The following RASGRF2 variants were observed in gnomAD, a reference collection of about 807,000 sequenced individuals.
The protein encoded by RASGRF2 is Ras protein specific guanine nucleotide releasing factor 2.
In RASGRF2, 76 loss-of-function variants were observed where a neutral mutation model predicts 151.0. The observed-to-expected ratio is 0.50, with a 90% CI of 0.42 to 0.61. The LOEUF (loss-of-function observed/expected upper bound fraction) is 0.61, where lower values mean the gene tolerates loss of function less well. Ranked by LOEUF, RASGRF2 falls within the 20% of genes least tolerant of loss-of-function variation. The pLI is 0.00. For missense variants in RASGRF2, 1,148 were observed against 1,564.6 expected, an observed-to-expected ratio of 0.73 and a Z score of 4.49; for synonymous variants, 504 against 566.5, an observed-to-expected ratio of 0.89 and a Z score of 1.57.
chr5:81,038,567 C>CT (rs56205345), intron 1 of RASGRF2, among the ~76,000 whole-genome samples: 2,598 of 83,874 alleles, frequency 0.031, 243 homozygotes, highest in African/African-American at 0.066. Flanking sequence ...TAAATATTTG[C>CT]TTTTTTTTTT....
chr5:81,120,746 T>G (rs1561217023), intron 15 of RASGRF2, among the ~76,000 whole-genome samples: 1 of 152,294 alleles, frequency 6.6e-6, no homozygotes, highest in African/African-American at 2.4e-5. Flanking sequence ...GGTTCCAAGC[T>G]CCTCTGCTGG....
At chr5:81,080,221 T>C (rs547869482) in intron 6 of RASGRF2, 21 bp downstream of exon 6, 5 of 1,584,270 alleles carry the variant, frequency 3.2e-6, no homozygotes, top group Admixed American at 2.0e-5. Context: ...TCTTTAAAGG[T>C]GTAAGATTTT....
chr5:81,069,032 G>T (rs1355003925), intron 3 of RASGRF2, among the ~76,000 whole-genome samples: 2 of 152,224 alleles, frequency 1.3e-5, no homozygotes, highest in Non-Finnish European at 2.9e-5. Flanking sequence ...AAACCTACTA[G>T]TAATTGTATC....
chr5:81,052,051 G>A lies in RASGRF2; in HGVS notation c.395+9068G>A, dbSNP rs552941365. On this transcript the variant is annotated intron_variant, in intron 2 of 26. Coordinates refer to ENST00000265080, the MANE Select transcript of RASGRF2 (RefSeq NM_006909.3). ...ATATAAACCCCTTTAATCTATTCTT[G>A]TTGAATTAATATAGTTGTATCTGTA... is the stretch of plus-strand genomic sequence containing the variant. Among the ~76,000 whole-genome samples the A allele has an allele frequency of 5.3e-5, 8 of 152,166 alleles. No individual in the cohort carries two copies. In the South Asian group the frequency reaches 1.7e-3, roughly 32 times the overall value.
intron 1 of RASGRF2, among the ~76,000 whole-genome samples, chr5:81,010,366 A>C (rs1408621214): frequency 1.3e-5 from 2 of 152,204 alleles, no homozygotes; most frequent in Non-Finnish European, 2.9e-5. Flanking sequence ...TGGTGGACAG[A>C]AGCCATGGTA....
At chr5:81,025,838 G>A (rs1750001868) in intron 1 of RASGRF2, among the ~76,000 whole-genome samples, 1 of 152,102 alleles carries the variant, frequency 6.6e-6, no homozygotes, top group African/African-American at 2.4e-5. Context: ...TGCTACCTCA[G>A]ATTAGTTAGA....
intron 26 of RASGRF2, among the ~76,000 whole-genome samples, chr5:81,220,725 C>T (rs1199349705): frequency 1.3e-5 from 2 of 152,208 alleles, no homozygotes; most frequent in African/African-American, 4.8e-5. Context: ...GCCTCTGCCT[C>T]CCAAAGTGCT....
chr5:81,149,304 A>G (rs1337735436), intron 17 of RASGRF2, among the ~76,000 whole-genome samples: 1 of 152,264 alleles, frequency 6.6e-6, no homozygotes, highest in Non-Finnish European at 1.5e-5. Context: ...TGCATAAAAC[A>G]GAAGACAAAA....
chr5:81,033,279 C>A (rs1162284028), intron 1 of RASGRF2, among the ~76,000 whole-genome samples: 60 of 146,280 alleles, frequency 4.1e-4, no homozygotes, highest in African/African-American at 1.5e-3. Flanking sequence ...ACTTTCTTCA[C>A]AGAATTGGAA....
At chr5:81,048,385 T>C (rs1166933718) in intron 2 of RASGRF2, among the ~76,000 whole-genome samples, 1 of 152,028 alleles carries the variant, frequency 6.6e-6, no homozygotes, top group Non-Finnish European at 1.5e-5. Flanking sequence ...GCCTACAGAG[T>C]GCAACATGAA....
At chr5:81,014,836 T>C (rs112263330) in intron 1 of RASGRF2, among the ~76,000 whole-genome samples, 321 of 152,326 alleles carry the variant, frequency 2.1e-3, no homozygotes, top group African/African-American at 7.5e-3. Flanking sequence ...TTAATGATGC[T>C]AAGAACATTC....
At chr5:81,063,162 A>T (rs1373058477) in intron 2 of RASGRF2, among the ~76,000 whole-genome samples, 1 of 152,180 alleles carries the variant, frequency 6.6e-6, no homozygotes, top group Non-Finnish European at 1.5e-5. Context: ...GTATCAGAGT[A>T]TGAAATGTTT....
Position 81,201,331 on chromosome 5 carries a change from A to T in RASGRF2, c.2795A>T (p.Asp932Val). The change falls in exon 19 of 27, where the codon GAT (aspartate) becomes GTT (valine). Residue 932 changes from aspartate (D) to valine (V), a missense_variant and splice_region_variant. Asp to Val is a radical substitution (Grantham distance 152). Around this residue, in one of 5 missense-constraint regions of RASGRF2, gnomAD observed 646 missense variants for 807.4 expected, o/e 0.80. Transcript: ENST00000265080. ...AAAAAGATTCATTTTATTTTACAGG[A>T]TTTCGAACTCAACAATGAACTAAAG... ...LRHWVSKHAQ[D>V]FELNNELKMN... is the part of the protein sequence containing the mutation. 1 of 1,610,470 alleles carries T rather than the reference A, an allele frequency of 6.2e-7. No homozygotes were observed.
rs553744293 is a variant in RASGRF2 at position 81,031,643 on chromosome 5, T to C, written c.289-11234T>C. On this transcript the variant is annotated intron_variant, in intron 1 of 26. Coordinates refer to ENST00000265080, the MANE Select transcript of RASGRF2 (RefSeq NM_006909.3). Reference sequence around the variant, plus strand: ...CATACCCAAATCTCTGGGACACATTTAAAGCAGTGTGTATAGGAAAATTTA... The same window carrying C: ...CATACCCAAATCTCTGGGACACATTCAAAGCAGTGTGTATAGGAAAATTTA... Among the ~76,000 whole-genome samples, 7 of 152,286 alleles carry C rather than the reference T, an allele frequency of 4.6e-5. No homozygotes were observed. In the South Asian group the frequency reaches 1.2e-3, roughly 27 times the overall value.
In RASGRF2 at chr5:81,202,746, A is replaced by T. The variant is rs144167405; in HGVS notation, c.2906+1304A>T. ...CCAATCCACTTTGATTGGTGTCCTT[A>T]TAAGAAGTCAACCATGGAAGACAGA... On this transcript the variant is annotated intron_variant, in intron 19 of 26. Transcript: ENST00000265080. Among the ~76,000 whole-genome samples the T allele has an allele frequency of 5.3e-5, 8 of 152,360 alleles. No homozygotes were observed. In the East Asian group the frequency reaches 1.5e-3, roughly 29 times the overall value.
In RASGRF2 at chr5:81,225,785, C is replaced by G. The variant is rs749522190; in HGVS notation, c.*15C>G. ...TCCCTGCTTGAAGATCTGGCCTTGC[C>G]CCTGAGTCCACGGGATGTTCATGGA... is the stretch of plus-strand genomic sequence containing the variant. On this transcript the variant is annotated 3_prime_UTR_variant, in exon 27 of 27. Transcript: ENST00000265080. 6.8e-6 allele frequency: 11 copies of G among 1,609,518 alleles called. No homozygotes were observed. Among genetic ancestry groups the G allele is most frequent in the Middle Eastern group, 1.6e-4 (1 of 6,066 alleles).
intron 6 of RASGRF2, 107 bp downstream of exon 6, chr5:81,080,307 C>A: frequency 2.0e-6 from 3 of 1,516,866 alleles, no homozygotes; most frequent in Non-Finnish European, 2.6e-6. Context: ...ACCCTGTTGA[C>A]CTGTGAGCTT....
intron 19 of RASGRF2, among the ~76,000 whole-genome samples, chr5:81,205,106 A>G (rs1755475830): frequency 6.6e-6 from 1 of 152,108 alleles, no homozygotes; most frequent in Non-Finnish European, 1.5e-5. Context: ...GCTTTAACTT[A>G]TTTTTTCCTC....
intron 14 of RASGRF2, among the ~76,000 whole-genome samples, chr5:81,113,179 A>G (rs555355038): frequency 6.6e-6 from 1 of 150,476 alleles, no homozygotes; most frequent in South Asian, 2.1e-4. Context: ...TTAAAACTTT[A>G]ATATGCATAA....
Sources: gnomAD v4.1 joint callset for allele counts (sites outside exome capture counted in the v4.1 genomes callset) on GRCh38, gnomAD v4.1.1 for gene constraint, gnomAD v4.1.1 regional missense constraint, MANE v1.5 for transcripts, NCBI Gene and HGNC (gene_info 2026-07-23, HGNC 2026-07-21) for gene names.